CYP3A7: variants seen among roughly 807,000 people sequenced by gnomAD.
CYP3A7 encodes the protein cytochrome P450 family 3 subfamily A member 7.
In CYP3A7, 45 loss-of-function variants were observed where a neutral mutation model predicts 55.2. The observed-to-expected ratio is 0.82, with a 90% confidence interval of 0.64 to 1.05. The LOEUF (loss-of-function observed/expected upper bound fraction) is 1.05. CYP3A7 is among the 50% of genes least tolerant of loss of function. The pLI, the probability that CYP3A7 is intolerant of heterozygous loss-of-function variation, is 0.00. For missense variants in CYP3A7, 548 were observed against 605.3 expected (o/e 0.91, Z 0.99); for synonymous variants, 180 against 207.4 (o/e 0.87, Z 1.13).
chr7:99,714,907 T>C (rs557728743), intron 7 of CYP3A7, among the ~76,000 whole-genome samples: 2 of 152,296 alleles, frequency 1.3e-5, no homozygotes, highest in African/African-American at 4.8e-5. Context: ...AGCAGCCCCT[T>C]CTGCATCTTT....
Position 99,717,606 on chromosome 7 carries a change from T to C in CYP3A7, c.352A>G (p.Ile118Val). Reference protein sequence around the residue: ...FGPVGFMKNAISIAEDEEWKR... With the variant: ...FGPVGFMKNAVSIAEDEEWKR... ...CATTCTTCATCCTCAGCTATAGAGA[T>C]GGCATTTTTCATAAATCCCACTGGC... The change falls in exon 5 of 13, where the codon ATC becomes GTC. Residue 118 changes from isoleucine to valine, a missense_variant. Transcript: ENST00000336374. 1 of 1,613,724 alleles carries C rather than the reference T, an allele frequency of 6.2e-7. No individual in the cohort carries two copies. Among genetic ancestry groups the C allele is most frequent in the Non-Finnish European group, 8.5e-7 (1 of 1,179,772 alleles).
rs373702529 is a variant in CYP3A7 at position 99,722,358 on chromosome 7, G to T, written c.166-10C>A. ...CAAACGTCCAATAGCCCTGGGAGGAGAAACAAAATAATATTTCATTATTAT... is the reference window on the plus strand; with the variant it reads ...CAAACGTCCAATAGCCCTGGGAGGATAAACAAAATAATATTTCATTATTAT... On this transcript the variant is annotated splice_polypyrimidine_tract_variant and intron_variant, in intron 2 of 12. Coordinates refer to ENST00000336374, the MANE Select transcript of CYP3A7 (RefSeq NM_000765.5). 50 of 1,613,086 alleles carry T rather than the reference G, an allele frequency of 3.1e-5. No individual in the cohort carries two copies. Among genetic ancestry groups the T allele is most frequent in the Non-Finnish European group, 4.0e-5 (47 of 1,179,514 alleles).
In CYP3A7 at chr7:99,720,313, C is replaced by T. The variant is rs751049219; in HGVS notation, c.318G>A (p.Arg106=). The part of the protein sequence containing the change: ...KECYSVFTNR[R]PFGPVGFMKN... ...TTAATTTCAAAAAATGGATGCTTAC[C>T]CTCCGGTTTGTGAAGACAGAATAAC... is the stretch of plus-strand genomic sequence containing the variant. Residue 106 remains arginine, a splice_region_variant and synonymous_variant, in exon 4 of 13, where the codon AGG becomes AGA. Transcript: ENST00000336374. 9.3e-6 allele frequency: 15 copies of T among 1,612,186 alleles called. No individual in the cohort carries two copies. Among genetic ancestry groups the T allele is most frequent in the Non-Finnish European group, 1.1e-5 (13 of 1,179,618 alleles).
At chr7:99,726,341 C>T (rs1814409975) in intron 2 of CYP3A7, among the ~76,000 whole-genome samples, 1 of 152,200 alleles carries the variant, frequency 6.6e-6, no homozygotes, top group Non-Finnish European at 1.5e-5. Flanking sequence ...CCTACAAACT[C>T]TCCTTATAAT....
intron 2 of CYP3A7, among the ~76,000 whole-genome samples, chr7:99,723,681 AGCC>A (rs1395073703): frequency 1.3e-5 from 2 of 152,180 alleles, no homozygotes; most frequent in Non-Finnish European, 1.5e-5. Context: ...CAGACCAGCC[AGCC>A]CAAGGTCATC....
intron 10 of CYP3A7, among the ~76,000 whole-genome samples, chr7:99,709,837 TA>T (rs1437991995): frequency 6.6e-6 from 1 of 152,126 alleles, no homozygotes; most frequent in Non-Finnish European, 1.5e-5. Flanking sequence ...TTTTGTTATA[TA>T]CATAAAATGT....
intron 2 of CYP3A7, 195 bp downstream of exon 2, chr7:99,730,864 G>C: frequency 1.5e-6 from 1 of 647,012 alleles, no homozygotes; most frequent in South Asian, 2.0e-5. Flanking sequence ...GTCCAACTGA[G>C]GCAAACTTGA....
At chr7:99,716,733 A>C (rs1423109934) in intron 6 of CYP3A7, among the ~76,000 whole-genome samples, 1 of 152,130 alleles carries the variant, frequency 6.6e-6, no homozygotes, top group Admixed American at 6.5e-5. Flanking sequence ...TTAGTATTCT[A>C]CTGATACCCT....
At chr7:99,709,286 A>T in intron 10 of CYP3A7, 25 bp from the exon 11 acceptor site, 6 of 1,609,416 alleles carry the variant, frequency 3.7e-6, no homozygotes, top group Non-Finnish European at 5.1e-6. Flanking sequence ...ACAGATTTGG[A>T]TAAATTGAGA....
At chr7:99,716,040 C>T in intron 6 of CYP3A7, 134 bp from the exon 7 acceptor site, 1 of 1,541,398 alleles carries the variant, frequency 6.5e-7, no homozygotes, top group Non-Finnish European at 8.9e-7. Context: ...TTTACTGGAG[C>T]ATCTCCCATC....
intron 6 of CYP3A7, among the ~76,000 whole-genome samples, chr7:99,716,612 G>T (rs1024160763): frequency 2.6e-5 from 4 of 152,162 alleles, no homozygotes; most frequent in African/African-American, 4.8e-5. Flanking sequence ...TACACCTGTT[G>T]TTCCTGCATA....
chr7:99,727,273 C>A (rs140819332), intron 2 of CYP3A7, among the ~76,000 whole-genome samples: 18 of 152,358 alleles, frequency 1.2e-4, no homozygotes, highest in African/African-American at 3.8e-4. Flanking sequence ...TTAGGCTGGT[C>A]ATCATGTCTC....
chr7:99,708,924 A>G (rs926664947), intron 11 of CYP3A7, 111 bp downstream of exon 11: 1 of 1,259,702 alleles, frequency 7.9e-7, no homozygotes, highest in African/African-American at 1.5e-5. Flanking sequence ...AACCTTTTAA[A>G]CATAAAAAGA....
intron 1 of CYP3A7, 91 bp from the exon 2 acceptor site, chr7:99,731,243 A>G: frequency 2.1e-6 from 3 of 1,422,004 alleles, no homozygotes; most frequent in Non-Finnish European, 2.9e-6. Context: ...TGGAATGATC[A>G]GGCAAAGGAG....
chr7:99,721,010 A>G (rs1429681249), intron 3 of CYP3A7: 1 of 153,944 alleles, frequency 6.5e-6, no homozygotes, highest in East Asian at 1.9e-4. Context: ...AACAGGCAAA[A>G]CCTTCTCCCT....
At chr7:99,728,883 C>T (rs1204968265) in intron 2 of CYP3A7, among the ~76,000 whole-genome samples, 1 of 152,034 alleles carries the variant, frequency 6.6e-6, no homozygotes, top group Non-Finnish European at 1.5e-5. Flanking sequence ...ACATCACAAA[C>T]TTTATCAGTC....
At chr7:99,716,053 A>G in intron 6 of CYP3A7, 147 bp from the exon 7 acceptor site, 2 of 1,491,454 alleles carry the variant, frequency 1.3e-6, no homozygotes, top group Non-Finnish European at 1.8e-6. Flanking sequence ...CTCCCATCAC[A>G]CTCCCTCAGA....
rs555255517 is a variant in CYP3A7, at chr7:99,727,242, A to G, written c.165+3817T>C. Among the ~76,000 whole-genome samples the G allele has an allele frequency of 3.8e-4, 58 of 152,280 alleles. 2 individuals are homozygous for G. In the South Asian group the frequency reaches 0.012, roughly 30 times the overall value. On this transcript the variant is annotated intron_variant, in intron 2 of 12. Transcript: ENST00000336374. ...ACCGTGCTCTGTAGCCTTTTTGTCCAAACAACTTGACCTTACTGTTTTAGG... is the reference window on the plus strand; with the variant it reads ...ACCGTGCTCTGTAGCCTTTTTGTCCGAACAACTTGACCTTACTGTTTTAGG...
At chr7:99,734,931 T>G in intron 1 of CYP3A7, 92 bp downstream of exon 1, 1 of 1,591,346 alleles carries the variant, frequency 6.3e-7, no homozygotes, top group East Asian at 2.2e-5. Flanking sequence ...TGAACATCCT[T>G]TTTGCTATTC....
Sources: allele counts gnomAD v4.1 joint callset (sites outside exome capture counted in the v4.1 genomes callset), GRCh38; gene constraint gnomAD v4.1.1; transcripts MANE v1.5; gene names NCBI Gene and HGNC (gene_info 2026-07-23, HGNC 2026-07-21).